The following SLC25A26 variants were observed in gnomAD, a reference collection of about 807,000 sequenced individuals.
SLC25A26 encodes mitochondrial S-adenosylmethionine carrier protein.
Under a neutral mutation model 37.8 loss-of-function variants are expected in SLC25A26, and 36 were observed. That is an observed-to-expected ratio of 0.95 (90% CI 0.73 to 1.26). The LOEUF is 1.26. Among genes scored for constraint, SLC25A26 ranks in the 50% most tolerant of loss-of-function variants. SLC25A26 has a pLI of 0.00. For synonymous variants in SLC25A26, 129 were observed against 122.5 expected, an observed-to-expected ratio of 1.05 and a Z score of -0.35; for missense variants, 390 against 331.1, an observed-to-expected ratio of 1.18 and a Z score of -1.38.
intron 6 of SLC25A26, among the ~76,000 whole-genome samples, chr3:66,355,872 G>C (rs1000349418): frequency 6.6e-6 from 1 of 152,194 alleles, no homozygotes; most frequent in Non-Finnish European, 1.5e-5. Context: ...ATGATATCAA[G>C]AGCAAGCCTA....
intron 8 of SLC25A26, among the ~76,000 whole-genome samples, chr3:66,370,299 A>C (rs1314458708): frequency 6.6e-6 from 1 of 152,164 alleles, no homozygotes; most frequent in Non-Finnish European, 1.5e-5. Context: ...GTGAGCTCTG[A>C]TAAGCAGCCA....
intron 1 of SLC25A26, among the ~76,000 whole-genome samples, chr3:66,156,505 A>C (rs563743244): frequency 6.6e-6 from 1 of 152,316 alleles, no homozygotes; most frequent in South Asian, 2.1e-4. Context: ...CTGTTCTGTC[A>C]TACTGGCCAA....
chr3:66,142,365 C>T (rs1258299471), intron 1 of SLC25A26, among the ~76,000 whole-genome samples: 1 of 152,234 alleles, frequency 6.6e-6, no homozygotes, highest in African/African-American at 2.4e-5. Context: ...AATATGGCAC[C>T]TTGGCATTTG....
At chr3:66,229,772 A>G (rs1559593532) in intron 1 of SLC25A26, among the ~76,000 whole-genome samples, 2 of 152,250 alleles carry the variant, frequency 1.3e-5, no homozygotes, top group Admixed American at 1.3e-4. Context: ...TTCTTAGGCA[A>G]TACTTAATTT....
chr3:66,239,826 T>C (rs936258946), intron 2 of SLC25A26, among the ~76,000 whole-genome samples: 1 of 133,976 alleles, frequency 7.5e-6, no homozygotes, highest in African/African-American at 2.5e-5. Context: ...CTTTTTTTTT[T>C]TTTTTTTTTT....
chr3:66,355,087 A>G (rs574222405), intron 6 of SLC25A26, among the ~76,000 whole-genome samples: 4 of 152,268 alleles, frequency 2.6e-5, no homozygotes, highest in South Asian at 2.1e-4. Context: ...ATCCCCCCAC[A>G]TATCTAAAAT....
At position 66,360,594 on chromosome 3, in the gene SLC25A26, C is replaced by T. The variant is rs77369655; in HGVS notation, c.499-2266C>T. Among the ~76,000 whole-genome samples the T allele has an allele frequency of 3.0e-3, 451 of 152,316 alleles. 3 individuals carry two copies. The highest frequency in any genetic ancestry group is 0.016 in the East Asian group (85 of 5,190). On this transcript the variant is annotated intron_variant, in intron 6 of 9. Transcript: ENST00000354883. ...AATCAATTGTGTTGATAACCAGTTT[C>T]AGTTTCTGCATATTAGCAATGAACA...
intron 2 of SLC25A26, among the ~76,000 whole-genome samples, chr3:66,240,966 C>G (rs1293527840): frequency 6.6e-6 from 1 of 152,038 alleles, no homozygotes; most frequent in Admixed American, 6.5e-5. Flanking sequence ...CAAGGATGGT[C>G]TCGATCTCCT....
intron 5 of SLC25A26, among the ~76,000 whole-genome samples, chr3:66,342,944 A>T (rs2076242787): frequency 1.3e-5 from 2 of 152,202 alleles, no homozygotes; most frequent in South Asian, 4.1e-4. Context: ...ACAGTGAGCC[A>T]TTTTGTAACT....
intron 3 of SLC25A26, among the ~76,000 whole-genome samples, chr3:66,251,622 G>T (rs2073088377): frequency 6.6e-6 from 1 of 152,168 alleles, no homozygotes; most frequent in African/African-American, 2.4e-5. Context: ...GGCTTCCCCT[G>T]GCTTGGCATT....
At chr3:66,249,027 C>T (rs1487273790) in intron 3 of SLC25A26, among the ~76,000 whole-genome samples, 1 of 152,164 alleles carries the variant, frequency 6.6e-6, no homozygotes, top group Non-Finnish European at 1.5e-5. Context: ...CAGTAATTCC[C>T]TACATAATAT....
At chr3:66,371,998 C>T (rs1700369448) in intron 9 of SLC25A26, among the ~76,000 whole-genome samples, 1 of 152,174 alleles carries the variant, frequency 6.6e-6, no homozygotes, top group Non-Finnish European at 1.5e-5. Flanking sequence ...ACTCAGGAGG[C>T]TGAGCAATCG....
At chr3:66,145,687 A>C (rs538115841) in intron 1 of SLC25A26, among the ~76,000 whole-genome samples, 1 of 152,254 alleles carries the variant, frequency 6.6e-6, no homozygotes, top group South Asian at 2.1e-4. Flanking sequence ...CTAAATAAAC[A>C]GATGGAAATA....
chr3:66,135,672 TG>T (rs2069935963), intron 1 of SLC25A26, among the ~76,000 whole-genome samples: 1 of 152,072 alleles, frequency 6.6e-6, no homozygotes, highest in Non-Finnish European at 1.5e-5. Flanking sequence ...GAGGCTAAAG[TG>T]GGAGGATCTC....
intron 3 of SLC25A26, 142 bp from the exon 4 acceptor site, chr3:66,261,909 T>TAA: frequency 1.3e-4 from 72 of 536,660 alleles, no homozygotes; most frequent in East Asian, 4.2e-4. Context: ...AGTTTTAGGT[T>TAA]AAAAAAAAAA....
chr3:66,270,661 A>G (rs1156400761), intron 5 of SLC25A26, among the ~76,000 whole-genome samples: 1 of 152,210 alleles, frequency 6.6e-6, no homozygotes, highest in East Asian at 1.9e-4. Flanking sequence ...TACCGTAGAG[A>G]TGTTCTATGA....
chr3:66,215,130 C>G (rs2071341565), intron 1 of SLC25A26, among the ~76,000 whole-genome samples: 1 of 152,194 alleles, frequency 6.6e-6, no homozygotes. Context: ...CAAAAACAAA[C>G]AAACAAACAA....
intron 5 of SLC25A26, among the ~76,000 whole-genome samples, chr3:66,312,566 C>T (rs543117154): frequency 2.6e-5 from 4 of 152,060 alleles, no homozygotes; most frequent in Non-Finnish European, 5.9e-5. Flanking sequence ...AAAAAAACTC[C>T]TGCACCTAGC....
At chr3:66,148,789 C>A (rs985891560) in intron 1 of SLC25A26, among the ~76,000 whole-genome samples, 8 of 152,150 alleles carry the variant, frequency 5.3e-5, no homozygotes, top group African/African-American at 1.7e-4. Flanking sequence ...AACTCCTGGG[C>A]TTAAGTGATC....
Sources: allele counts gnomAD v4.1 joint callset (sites outside exome capture counted in the v4.1 genomes callset), GRCh38; gene constraint gnomAD v4.1.1; transcripts MANE v1.5; gene names NCBI Gene and HGNC (gene_info 2026-07-23, HGNC 2026-07-21).